BNC2: variants seen among roughly 807,000 people sequenced by gnomAD.
BNC2 encodes the protein basonuclin zinc finger protein 2.
In BNC2, 20 loss-of-function variants were observed where a neutral mutation model predicts 76.3. The ratio of observed to expected loss-of-function variants is 0.26; its 90% CI spans 0.18 to 0.38. The LOEUF (loss-of-function observed/expected upper bound fraction) is 0.38, where lower values mean the gene tolerates loss of function less well. BNC2 is among the 10% of genes least tolerant of loss of function. BNC2 has a pLI of 1.00. For synonymous variants in BNC2, 582 were observed against 514.8 expected, an observed-to-expected ratio of 1.13 and a Z score of -1.77; for missense variants, 1,382 against 1,399.8, an observed-to-expected ratio of 0.99 and a Z score of 0.20.
At chr9:16,574,202 C>A (rs1474615176) in intron 4 of BNC2, among the ~76,000 whole-genome samples, 1 of 152,074 alleles carries the variant, frequency 6.6e-6, no homozygotes, top group Non-Finnish European at 1.5e-5. Flanking sequence ...TTAAGATGCT[C>A]CTATAAACAA....
At chr9:16,578,851 T>C (rs775943379) in intron 4 of BNC2, among the ~76,000 whole-genome samples, 3 of 152,132 alleles carry the variant, frequency 2.0e-5, no homozygotes, top group Non-Finnish European at 4.4e-5. Flanking sequence ...GTAAAAAATA[T>C]AGTATTTATA....
chr9:16,560,562 A>T (rs1293537063), intron 4 of BNC2, among the ~76,000 whole-genome samples: 6 of 152,056 alleles, frequency 3.9e-5, no homozygotes, highest in Non-Finnish European at 8.8e-5. Context: ...AAAAATAAAA[A>T]ATTAACGAGC....
chr9:16,462,783 A>G (rs1821613568), intron 5 of BNC2, among the ~76,000 whole-genome samples: 1 of 152,120 alleles, frequency 6.6e-6, no homozygotes, highest in Non-Finnish European at 1.5e-5. Context: ...CCTTTGACAA[A>G]GAGATGCCCC....
At chr9:16,756,700 T>G (rs1003654722) in intron 1 of BNC2, among the ~76,000 whole-genome samples, 2 of 152,292 alleles carry the variant, frequency 1.3e-5, no homozygotes, top group Middle Eastern at 3.4e-3. Context: ...TTTCTTAAAC[T>G]AGACCTAGGC....
chr9:16,631,977 G>A (rs1474690649), intron 3 of BNC2, among the ~76,000 whole-genome samples: 1 of 152,220 alleles, frequency 6.6e-6, no homozygotes, highest in Non-Finnish European at 1.5e-5. Flanking sequence ...ACTACCAGCT[G>A]ATCTGTGTTG....
At chr9:16,733,130 C>A (rs542093789) in intron 2 of BNC2, among the ~76,000 whole-genome samples, 22 of 152,304 alleles carry the variant, frequency 1.4e-4, no homozygotes, top group African/African-American at 4.8e-4. Context: ...GGGGAACCAA[C>A]TAAGGAAATG....
At chr9:16,552,965 A>G (rs549375116) in intron 4 of BNC2, among the ~76,000 whole-genome samples, 200 bp from the exon 5 acceptor site, 4 of 152,102 alleles carry the variant, frequency 2.6e-5, no homozygotes, top group African/African-American at 9.6e-5. Flanking sequence ...TTTCTTTCCT[A>G]TTTTTTTAAT....
At chr9:16,512,013 T>G (rs1045010418) in intron 5 of BNC2, among the ~76,000 whole-genome samples, 11 of 152,364 alleles carry the variant, frequency 7.2e-5, no homozygotes, top group African/African-American at 2.6e-4. Context: ...AAAATTTATG[T>G]GAAACCTACT....
chr9:16,701,873 C>T (rs1458815946), intron 3 of BNC2, among the ~76,000 whole-genome samples: 3 of 128,776 alleles, frequency 2.3e-5, no homozygotes, highest in African/African-American at 5.8e-5. Flanking sequence ...ACCCGGGAGG[C>T]GGAGGCTGCA....
intron 4 of BNC2, among the ~76,000 whole-genome samples, chr9:16,562,167 C>G (rs1020632897): frequency 6.6e-6 from 1 of 152,190 alleles, no homozygotes; most frequent in African/African-American, 2.4e-5. Context: ...GAACTCTCCT[C>G]TTACATTCTT....
chr9:16,521,285 C>A (rs1016025837), intron 5 of BNC2, among the ~76,000 whole-genome samples: 2 of 152,152 alleles, frequency 1.3e-5, no homozygotes, highest in African/African-American at 4.8e-5. Flanking sequence ...CCTCTACCTC[C>A]CCTGTCTGGT....
At chr9:16,795,540 T>G (rs1204873929) in intron 1 of BNC2, among the ~76,000 whole-genome samples, 1 of 152,082 alleles carries the variant, frequency 6.6e-6, no homozygotes, top group Non-Finnish European at 1.5e-5. Context: ...GCTCAGCCCA[T>G]GTCCTCTCCA....
chr9:16,503,424 C>G (rs1244581975), intron 5 of BNC2, among the ~76,000 whole-genome samples: 1 of 152,046 alleles, frequency 6.6e-6, no homozygotes, highest in Non-Finnish European at 1.5e-5. Context: ...TTTTTTTACT[C>G]ATTTTTGTTT....
At chr9:16,538,431 C>G (rs1021986884) in intron 5 of BNC2, among the ~76,000 whole-genome samples, 5 of 152,150 alleles carry the variant, frequency 3.3e-5, no homozygotes, top group African/African-American at 1.2e-4. Flanking sequence ...CCACGTGGCA[C>G]TGGCAACAGC....
chr9:16,572,321 T>C (rs74840733), intron 4 of BNC2, among the ~76,000 whole-genome samples: 10,993 of 152,072 alleles, frequency 0.072, 465 homozygotes, highest in Middle Eastern at 0.12. Flanking sequence ...AAGGTGAAAA[T>C]AGAATGAGAA....
intron 1 of BNC2, among the ~76,000 whole-genome samples, chr9:16,747,269 T>C (rs1037358376): frequency 3.3e-5 from 5 of 151,894 alleles, no homozygotes; most frequent in Non-Finnish European, 7.4e-5. Flanking sequence ...GCCAGACTCT[T>C]AAGAATTACA....
At chr9:16,676,156 T>G (rs1822634633) in intron 3 of BNC2, among the ~76,000 whole-genome samples, 1 of 152,222 alleles carries the variant, frequency 6.6e-6, no homozygotes, top group African/African-American at 2.4e-5. Flanking sequence ...TTCCATTATC[T>G]ACTCAAACAA....
intron 3 of BNC2, among the ~76,000 whole-genome samples, chr9:16,711,053 A>G (rs1823823405): frequency 6.6e-6 from 1 of 152,058 alleles, no homozygotes; most frequent in African/African-American, 2.4e-5. Context: ...TAATGAGAGC[A>G]GATGAATTAG....
intron 6 of BNC2, chr9:16,434,846 T>C (rs1244934676): frequency 8.7e-6 from 4 of 457,228 alleles, no homozygotes. Context: ...ATCCGCATGG[T>C]AGACTATAGT....
Sources: allele counts gnomAD v4.1 joint callset (sites outside exome capture counted in the v4.1 genomes callset), GRCh38; gene constraint gnomAD v4.1.1; transcripts MANE v1.5; gene names NCBI Gene and HGNC (gene_info 2026-07-23, HGNC 2026-07-21).